Variants in NEK6 observed in about 807,000 individuals in gnomAD.
The protein encoded by NEK6 is NIMA related kinase 6.
NEK6 carries 27 observed loss-of-function variants against 43.5 expected under a neutral mutation model. The ratio of observed to expected loss-of-function variants is 0.62; its 90% confidence interval spans 0.46 to 0.86. The LOEUF is 0.86. Among genes scored for constraint, NEK6 ranks in the 40% least tolerant of loss-of-function variants. The probability of loss-of-function intolerance (pLI) is 0.00; values close to 1 mark genes in which losing one functional copy is unlikely to be tolerated. For missense variants in NEK6, 318 were observed against 414.4 expected (o/e 0.77, Z 2.02); for synonymous variants, 167 against 164.1 (o/e 1.02, Z -0.14).
chr9:124,347,157 G>A (rs1029386130), intron 8 of NEK6, among the ~76,000 whole-genome samples: 2 of 152,170 alleles, frequency 1.3e-5, no homozygotes, highest in Non-Finnish European at 2.9e-5. Flanking sequence ...TGCTCCCCCT[G>A]CCCTGATACC....
At chr9:124,328,950 C>G (rs1828824244) in intron 7 of NEK6, among the ~76,000 whole-genome samples, 1 of 152,148 alleles carries the variant, frequency 6.6e-6, no homozygotes, top group Non-Finnish European at 1.5e-5. Flanking sequence ...TTGACAGCCC[C>G]AAGCATCCAG....
chr9:124,290,264 C>A (rs73666848), intron 1 of NEK6, among the ~76,000 whole-genome samples: 2,459 of 152,326 alleles, frequency 0.016, 74 homozygotes, highest in African/African-American at 0.055. Context: ...CGCCCACTAG[C>A]AGGGTTGTAG....
At chr9:124,349,363 T>C (rs1830128181) in intron 9 of NEK6, among the ~76,000 whole-genome samples, 2 of 152,350 alleles carry the variant, frequency 1.3e-5, no homozygotes, top group East Asian at 3.9e-4. Context: ...TGGTGACAAC[T>C]CTGTGCTTTG....
chr9:124,293,059 G>C (rs1442637161), intron 1 of NEK6: 1 of 1,438,220 alleles, frequency 7.0e-7, no homozygotes, highest in South Asian at 1.5e-5. Flanking sequence ...CTCTGGGATG[G>C]TGGGCCTGCT....
chr9:124,326,135 C>T lies in NEK6; in HGVS notation c.406-195C>T, dbSNP rs1834317873. On this transcript the variant is annotated intron_variant, in intron 5 of 9. Coordinates refer to ENST00000320246, the MANE Select transcript of NEK6 (RefSeq NM_014397.6). This position sits in a 1 kb window ranked among gnomAD's most constrained non-coding sequence, Gnocchi z 4.5. The stretch of plus-strand genomic sequence containing the variant: ...GACAGGGTGGCTGCAGAGTGCCATT[C>T]AGGCAGAAGTAGAGGCGTGGACACA... Among the ~76,000 whole-genome samples the T allele has an allele frequency of 6.6e-6, 1 of 152,096 alleles. No homozygotes were observed. The highest frequency in any genetic ancestry group is 1.5e-5 in the Non-Finnish European group (1 of 68,014).
rs1489980537 is a variant in NEK6, at chr9:124,324,939, C to T, written c.406-1391C>T. Among the ~76,000 whole-genome samples, 1 of 152,140 alleles carries T rather than the reference C, an allele frequency of 6.6e-6. No individual in the cohort carries two copies. Among genetic ancestry groups the T allele is most frequent in the Non-Finnish European group, 1.5e-5 (1 of 68,016 alleles). Reference sequence around the variant, plus strand: ...CCTGTAATCCCAGCACTTTGGGAGGCCGAGGCAGGCAGATCACCTGAGGTG... The same window carrying T: ...CCTGTAATCCCAGCACTTTGGGAGGTCGAGGCAGGCAGATCACCTGAGGTG... On this transcript the variant is annotated intron_variant, in intron 5 of 9. Coordinates refer to ENST00000320246, the MANE Select transcript of NEK6 (RefSeq NM_014397.6). The surrounding 1 kb of genome is among the most constrained non-coding windows in gnomAD (Gnocchi z 5.3).
chr9:124,289,764 T>A (rs1422845447), intron 1 of NEK6, among the ~76,000 whole-genome samples: 1 of 152,206 alleles, frequency 6.6e-6, no homozygotes, highest in East Asian at 1.9e-4. Context: ...GTCAGCCGTA[T>A]AAGAAGCATC....
At chr9:124,268,269 A>G (rs1564613311) in intron 1 of NEK6, among the ~76,000 whole-genome samples, 1 of 152,186 alleles carries the variant, frequency 6.6e-6, no homozygotes, top group East Asian at 1.9e-4. Flanking sequence ...TCCCTCATTC[A>G]TTTATTAGCT....
At chr9:124,311,606 C>A (rs1317851019) in intron 2 of NEK6, among the ~76,000 whole-genome samples, 1 of 152,178 alleles carries the variant, frequency 6.6e-6, no homozygotes, top group African/African-American at 2.4e-5. Context: ...CAATGCTGGC[C>A]CCTGCAGAGT....
In NEK6 at chr9:124,343,378, A is replaced by G. The variant is rs563504382; in HGVS notation, c.717+3713A>G. ...CAGCAGTAGGAAGTGAATGAAACAC[A>G]GCAGTCAAGCCCTGAGGGGATTAGC... On this transcript the variant is annotated intron_variant, in intron 8 of 9. Coordinates refer to ENST00000320246, the MANE Select transcript of NEK6 (RefSeq NM_014397.6). This position sits in a 1 kb window ranked among gnomAD's most constrained non-coding sequence, Gnocchi z 5.1. 8.0e-4 allele frequency among the ~76,000 whole-genome samples: 122 copies of G among 152,194 alleles called. No individual in the cohort carries two copies. Among genetic ancestry groups the G allele is most frequent in the African/African-American group, 2.9e-3 (119 of 41,538 alleles).
intron 3 of NEK6, among the ~76,000 whole-genome samples, chr9:124,313,377 GT>G (rs1363991735): frequency 4.7e-5 from 7 of 148,544 alleles, no homozygotes; most frequent in Admixed American, 2.7e-4. Context: ...TCTTGATCTT[GT>G]TTTTTTTTTG....
rs1830876577 is a variant in NEK6, at chr9:124,258,053, C to T, written c.-62C>T. The T allele has an allele frequency of 8.2e-6, 8 of 979,090 alleles. No homozygotes were observed. The highest frequency in any genetic ancestry group is 9.7e-6 in the Non-Finnish European group (8 of 827,408). 60.7% of individuals were successfully genotyped at this position (979,090 alleles called of 1,614,324 possible). A position where few individuals can be genotyped will look rare whatever the true frequency, so the allele number is the denominator to read the frequency against. ...GCCGCCCGCGGGCCAGCGCACCGGTCCCCCAGCGGCAGCCGAGCCCGCCCG... is the reference window on the plus strand; with the variant it reads ...GCCGCCCGCGGGCCAGCGCACCGGTTCCCCAGCGGCAGCCGAGCCCGCCCG... On this transcript the variant is annotated 5_prime_UTR_variant, in exon 1 of 10. Coordinates refer to ENST00000320246, the MANE Select transcript of NEK6 (RefSeq NM_014397.6).
intron 7 of NEK6, among the ~76,000 whole-genome samples, chr9:124,335,857 C>A (rs1450323330): frequency 6.6e-6 from 1 of 152,356 alleles, no homozygotes; most frequent in African/African-American, 2.4e-5. Context: ...GGCCTATAAT[C>A]CAAACACTTT....
In NEK6 at chr9:124,284,881, A is replaced by G. The variant is rs371702298; in HGVS notation, c.-29-17055A>G. Among the ~76,000 whole-genome samples, 5 of 152,110 alleles carry G rather than the reference A, an allele frequency of 3.3e-5. No homozygotes were observed. In the South Asian group the frequency reaches 8.3e-4, roughly 25 times the overall value. ...TGCTGTCTCCCAGGTCTTCAAATTT[A>G]CACCACTCTGACTCTCAGTTTCCCT... is the stretch of plus-strand genomic sequence containing the variant. On this transcript the variant is annotated intron_variant, in intron 1 of 9. Transcript: ENST00000320246.
chr9:124,320,410 CTCA>C (rs1433452835), intron 4 of NEK6, among the ~76,000 whole-genome samples: 1 of 152,194 alleles, frequency 6.6e-6, no homozygotes, highest in Admixed American at 6.5e-5. Context: ...CCAGGCTCCC[CTCA>C]TTTTAGAATC....
Position 124,275,764 on chromosome 9 carries a change from T to C in NEK6, c.-30+17679T>C, listed in dbSNP as rs560010026. On this transcript the variant is annotated intron_variant, in intron 1 of 9. Coordinates refer to ENST00000320246, the MANE Select transcript of NEK6 (RefSeq NM_014397.6). This position sits in a 1 kb window ranked among gnomAD's most constrained non-coding sequence, Gnocchi z 4.4. ...CCCAGGGCCTGGCCTGGCAAAGGCC[T>C]CGGTGACGGTAATGAGGGGAGGGAG... Among the ~76,000 whole-genome samples the C allele has an allele frequency of 4.6e-5, 7 of 152,360 alleles. No homozygotes were observed. In the East Asian group the frequency reaches 1.3e-3, roughly 29 times the overall value.
intron 7 of NEK6, among the ~76,000 whole-genome samples, chr9:124,333,342 T>C (rs1829111207): frequency 6.6e-6 from 1 of 152,146 alleles, no homozygotes; most frequent in African/African-American, 2.4e-5. Flanking sequence ...CCCACAGCCC[T>C]AGCTGCAGTC....
chr9:124,264,409 C>T (rs1831146729), intron 1 of NEK6, among the ~76,000 whole-genome samples: 1 of 152,212 alleles, frequency 6.6e-6, no homozygotes, highest in East Asian at 1.9e-4. Flanking sequence ...ACACCAGGCA[C>T]CAGCCCCGTG....
In NEK6 at chr9:124,304,999, G is replaced by A. The variant is rs548014778; in HGVS notation, c.90+2945G>A. ...CCTCACCTGACACACTAAGAACCAC[G>A]TGAATTTCCAAGAAGGGGAAAGGTA... On this transcript the variant is annotated intron_variant, in intron 2 of 9. Coordinates refer to ENST00000320246, the MANE Select transcript of NEK6 (RefSeq NM_014397.6). Among the ~76,000 whole-genome samples, 19 of 152,312 alleles carry A rather than the reference G, an allele frequency of 1.2e-4. No individual in the cohort carries two copies. The South Asian group carries it at 1.9e-3, about 15-fold the overall frequency.
Sources: gnomAD v4.1 joint callset for allele counts (sites outside exome capture counted in the v4.1 genomes callset) on GRCh38, gnomAD v4.1.1 for gene constraint, Gnocchi (gnomAD v3.1) non-coding constraint, MANE v1.5 for transcripts, NCBI Gene and HGNC (gene_info 2026-07-23, HGNC 2026-07-21) for gene names.